The following NLGN1 variants were observed in gnomAD, a reference collection of about 807,000 sequenced individuals.
The protein encoded by NLGN1 is neuroligin 1.
In NLGN1, 12 loss-of-function variants were observed where a neutral mutation model predicts 65.5. The ratio of observed to expected loss-of-function variants is 0.18; its 90% CI spans 0.12 to 0.30. The LOEUF is 0.30. Among genes scored for constraint, NLGN1 ranks in the 10% least tolerant of loss-of-function variants. The pLI, the probability that NLGN1 is intolerant of heterozygous loss-of-function variation, is 1.00. For missense variants in NLGN1, 750 were observed against 1,007.1 expected (o/e 0.74, Z 3.46); for synonymous variants, 350 against 359.5 (o/e 0.97, Z 0.30).
At chr3:173,922,408 A>T (rs187019438) in intron 4 of NLGN1, among the ~76,000 whole-genome samples, 1 of 152,210 alleles carries the variant, frequency 6.6e-6, no homozygotes, top group Non-Finnish European at 1.5e-5. Flanking sequence ...TAACTTTGCT[A>T]AGAAATATAG....
At chr3:173,956,840 C>G (rs964239651) in intron 4 of NLGN1, among the ~76,000 whole-genome samples, 3 of 152,040 alleles carry the variant, frequency 2.0e-5, no homozygotes, top group African/African-American at 7.2e-5. Context: ...TAGTAAAATC[C>G]TACATAGTAA....
intron 4 of NLGN1, among the ~76,000 whole-genome samples, chr3:173,916,854 G>A (rs1740836052): frequency 6.6e-6 from 1 of 152,164 alleles, no homozygotes; most frequent in African/African-American, 2.4e-5. Context: ...TTTTTAAAAA[G>A]TAAGAACAAA....
At chr3:173,516,999 A>G (rs1220164853) in intron 2 of NLGN1, among the ~76,000 whole-genome samples, 1 of 152,070 alleles carries the variant, frequency 6.6e-6, no homozygotes, top group Non-Finnish European at 1.5e-5. Flanking sequence ...ATGTATTACC[A>G]TTCTATTCAT....
chr3:173,759,540 A>G (rs1777642347), intron 3 of NLGN1, among the ~76,000 whole-genome samples: 1 of 151,934 alleles, frequency 6.6e-6, no homozygotes, highest in South Asian at 2.1e-4. Flanking sequence ...TATTTCTTTG[A>G]GCAATGTATG....
chr3:173,770,788 A>G (rs1779463171), intron 3 of NLGN1, among the ~76,000 whole-genome samples: 1 of 152,164 alleles, frequency 6.6e-6, no homozygotes, highest in Non-Finnish European at 1.5e-5. Flanking sequence ...AGGGGATTGA[A>G]TAAGATACTG....
chr3:174,034,665 T>A (rs1340293950), intron 4 of NLGN1, among the ~76,000 whole-genome samples: 1 of 152,052 alleles, frequency 6.6e-6, no homozygotes, highest in African/African-American at 2.4e-5. Flanking sequence ...AGCTAAACAC[T>A]AATTTTTTAA....
chr3:173,706,358 T>C (rs1768041227), intron 3 of NLGN1, among the ~76,000 whole-genome samples: 1 of 152,230 alleles, frequency 6.6e-6, no homozygotes, highest in Admixed American at 6.5e-5. Flanking sequence ...ATGATTAAGA[T>C]TTAGACTTTT....
In NLGN1 at chr3:173,665,564, G is replaced by A. The variant is rs117672859; in HGVS notation, c.493+60473G>A. ...ATTATATTTCTGCGGAAATGACAAG[G>A]TTTACATAATTGACATTGAGGAATC... On this transcript the variant is annotated intron_variant, in intron 3 of 6. Coordinates refer to ENST00000457714, the Ensembl canonical transcript of NLGN1. Among the ~76,000 whole-genome samples, 39 of 152,184 alleles carry A rather than the reference G, an allele frequency of 2.6e-4. No homozygotes were observed. The East Asian group carries it at 7.5e-3, about 29-fold the overall frequency.
intron 3 of NLGN1, among the ~76,000 whole-genome samples, chr3:173,641,383 G>A (rs1020829395): frequency 1.3e-5 from 2 of 151,922 alleles, no homozygotes; most frequent in African/African-American, 2.4e-5. Flanking sequence ...GCACGATCTC[G>A]GCTCACTGCC....
At chr3:174,145,381 C>T (rs1042651959) in intron 4 of NLGN1, among the ~76,000 whole-genome samples, 16 of 151,874 alleles carry the variant, frequency 1.1e-4, no homozygotes, top group South Asian at 2.1e-4. Context: ...GGCTTGGTGG[C>T]GCGCACCTGT....
At chr3:173,455,734 GTA>G (rs1422937355) in intron 2 of NLGN1, among the ~76,000 whole-genome samples, 1 of 151,912 alleles carries the variant, frequency 6.6e-6, no homozygotes, top group Non-Finnish European at 1.5e-5. Flanking sequence ...ATATATGTGT[GTA>G]TATATATGTA....
intron 4 of NLGN1, among the ~76,000 whole-genome samples, chr3:173,827,652 T>TGTGTGTGTGTGTGA (rs1721628008): frequency 6.6e-6 from 1 of 150,830 alleles, no homozygotes; most frequent in South Asian, 2.1e-4. Flanking sequence ...TGTGTGTGTG[T>TGTGTGTGTGTGTGA]GTGTGTGTGT....
chr3:173,806,860 T>C (rs899876119), intron 3 of NLGN1, among the ~76,000 whole-genome samples: 17 of 152,324 alleles, frequency 1.1e-4, no homozygotes, highest in African/African-American at 3.8e-4. Flanking sequence ...CTTGACACTT[T>C]ACACTTGAAC....
At position 173,486,360 on chromosome 3, in the gene NLGN1, C is replaced by G. The variant is rs372601735; in HGVS notation, c.-321+51282C>G. ...TACAGGATTGAGCCACTGCACCCAGCCTAGTTATGCTTCTAATGTTCACCG... is the reference window on the plus strand; with the variant it reads ...TACAGGATTGAGCCACTGCACCCAGGCTAGTTATGCTTCTAATGTTCACCG... On this transcript the variant is annotated intron_variant, in intron 2 of 6. Transcript: ENST00000457714. Among the ~76,000 whole-genome samples the G allele has an allele frequency of 1.5e-4, 23 of 152,242 alleles. No homozygotes were observed. The East Asian group carries it at 1.5e-3, about 10-fold the overall frequency.
chr3:173,699,322 A>C (rs73880546), intron 3 of NLGN1, among the ~76,000 whole-genome samples: 6,215 of 152,278 alleles, frequency 0.041, 456 homozygotes, highest in African/African-American at 0.14. Flanking sequence ...ACATCCATAC[A>C]ATTTAGGGCA....
chr3:174,152,165 GAGA>G (rs1368763953), intron 4 of NLGN1, among the ~76,000 whole-genome samples: 1 of 152,096 alleles, frequency 6.6e-6, no homozygotes, highest in African/African-American at 2.4e-5. Flanking sequence ...TAGATTTGAA[GAGA>G]AGTAGAGCTA....
chr3:173,605,664 GGATGATTTGCT>G (rs1256330977), intron 3 of NLGN1, 71 bp downstream of exon 3: 1 of 704,172 alleles, frequency 1.4e-6, no homozygotes, highest in African/African-American at 1.9e-5. Flanking sequence ...CTCTCCCTAA[GGATGATTTGCT>G]GATGCTGGGA....
intron 3 of NLGN1, among the ~76,000 whole-genome samples, chr3:173,732,967 AAATATATAC>A (rs1490944728): frequency 1.3e-5 from 2 of 152,290 alleles, no homozygotes; most frequent in East Asian, 3.9e-4. Context: ...TGAACCACAG[AAATATATAC>A]AAATATGGTA....
At chr3:173,723,789 A>T (rs1308566319) in intron 3 of NLGN1, among the ~76,000 whole-genome samples, 1 of 152,174 alleles carries the variant, frequency 6.6e-6, no homozygotes, top group Non-Finnish European at 1.5e-5. Context: ...AAAAGAATAG[A>T]CTGACTGAAA....
Sources: allele counts gnomAD v4.1 joint callset (sites outside exome capture counted in the v4.1 genomes callset), GRCh38; gene constraint gnomAD v4.1.1; transcripts MANE v1.5; gene names NCBI Gene and HGNC (gene_info 2026-07-23, HGNC 2026-07-21).